Variants in KANSL2 observed in about 807,000 individuals in gnomAD.
The protein encoded by KANSL2 is KAT8 regulatory NSL complex subunit 2.
KANSL2 carries 34 observed loss-of-function variants against 55.6 expected under a neutral mutation model. The ratio of observed to expected loss-of-function variants is 0.61; its 90% CI spans 0.46 to 0.81. KANSL2 has a LOEUF of 0.81. KANSL2 is among the 40% of genes least tolerant of loss of function. The pLI, the probability that KANSL2 is intolerant of heterozygous loss-of-function variation, is 0.00. For missense variants in KANSL2, 502 were observed against 609.9 expected (o/e 0.82, Z 1.86); for synonymous variants, 209 against 214.3 (o/e 0.98, Z 0.22).
rs150609181 is a variant in KANSL2, at chr12:48,673,849, A to G, written c.546-1887T>C. On this transcript the variant is annotated intron_variant, in intron 4 of 9. Coordinates refer to ENST00000420613, the MANE Select transcript of KANSL2 (RefSeq NM_017822.4). ...ACCTGTAGTCCCAGATACTCAGGAG[A>G]CTGAGGTGAAAGGATCACTTCAGCC... Among the ~76,000 whole-genome samples, 296 of 150,928 alleles carry G rather than the reference A, an allele frequency of 2.0e-3. 1 individual carries two copies. Among genetic ancestry groups the G allele is most frequent in the African/African-American group, 6.7e-3 (274 of 41,096 alleles).
intron 4 of KANSL2, among the ~76,000 whole-genome samples, chr12:48,676,271 A>G (rs1236804410): frequency 2.0e-5 from 3 of 152,096 alleles, no homozygotes; most frequent in African/African-American, 7.2e-5. Flanking sequence ...ACGTCTGGCT[A>G]ATTTTTAAAT....
At chr12:48,679,582 C>T in intron 3 of KANSL2, 73 bp downstream of exon 3, 2 of 1,193,928 alleles carry the variant, frequency 1.7e-6, no homozygotes, top group South Asian at 2.8e-5. Context: ...TAGATCAAGG[C>T]ATTGTGCTAA....
Position 48,667,643 on chromosome 12 carries a change from A to C in KANSL2, c.973+50T>G, listed in dbSNP as rs777282530. 5.1e-6 allele frequency: 7 copies of C among 1,369,420 alleles called. No homozygotes were observed. The South Asian group carries it at 8.1e-5, about 16-fold the overall frequency. The allele number at this position is 1,369,420 out of a possible 1,614,324, so 84.8% of individuals were successfully genotyped here. On this transcript the variant is annotated intron_variant, in intron 7 of 9. Coordinates refer to ENST00000420613, the MANE Select transcript of KANSL2 (RefSeq NM_017822.4). ...GCAAACTAGCACAGAGATTCCCACT[A>C]GTCTTCAAACTAGCAAACCACAGCC...
chr12:48,678,114 C>T (rs886242020), intron 4 of KANSL2, among the ~76,000 whole-genome samples: 1 of 152,152 alleles, frequency 6.6e-6, no homozygotes, highest in Non-Finnish European at 1.5e-5. Context: ...GAAGAAAATG[C>T]TATTGCAAGA....
chr12:48,656,710 A>G, intron 8 of KANSL2: 1 of 519,038 alleles, frequency 1.9e-6, no homozygotes, highest in Admixed American at 1.9e-5. Context: ...ACAGACCACA[A>G]GGAAGACATC....
intron 8 of KANSL2, among the ~76,000 whole-genome samples, chr12:48,655,977 AAT>A: frequency 6.6e-6 from 1 of 152,364 alleles, no homozygotes; most frequent in Admixed American, 6.5e-5. Context: ...CAATTAAAAA[AAT>A]ATTTTTTAAA....
In KANSL2 at chr12:48,679,105, T is replaced by C; in HGVS notation, c.476A>G (p.Asp159Gly). ...SDGEQEPITV[D>G]QTWRGDPDSE... is the part of the protein sequence containing the mutation. ...GTCAGGGTCACCTCTCCATGTCTGA[T>C]CCACAGTAATGGGTTCCTGCTCCCC... The change falls in exon 4 of 10, where the codon GAT becomes GGT. Residue 159 changes from aspartate to glycine, a missense_variant. Coordinates refer to ENST00000420613, the MANE Select transcript of KANSL2 (RefSeq NM_017822.4). 6.2e-7 allele frequency: 1 copy of C among 1,613,864 alleles called. No individual in the cohort carries two copies. Among genetic ancestry groups the C allele is most frequent in the Non-Finnish European group, 8.5e-7 (1 of 1,179,834 alleles).
intron 6 of KANSL2, among the ~76,000 whole-genome samples, chr12:48,668,651 A>G (rs922176266): frequency 1.3e-5 from 2 of 152,010 alleles, no homozygotes; most frequent in African/African-American, 4.8e-5. Flanking sequence ...GTGAGCCAAG[A>G]CGGCGCCATT....
intron 4 of KANSL2, among the ~76,000 whole-genome samples, chr12:48,672,406 TAC>T (rs1939735749): frequency 1.6e-5 from 2 of 124,146 alleles, no homozygotes; most frequent in African/African-American, 3.0e-5. Flanking sequence ...TATATATATA[TAC>T]GTATATATAT....
chr12:48,677,165 T>C (rs1343506031), intron 4 of KANSL2, among the ~76,000 whole-genome samples: 1 of 152,224 alleles, frequency 6.6e-6, no homozygotes, highest in Non-Finnish European at 1.5e-5. Flanking sequence ...CTTAGTTGCC[T>C]AATAGCTGAC....
At chr12:48,659,566 G>A (rs372856447) in intron 8 of KANSL2, among the ~76,000 whole-genome samples, 25 of 151,752 alleles carry the variant, frequency 1.6e-4, no homozygotes, top group Admixed American at 5.9e-4. Context: ...GAGGCTGCAC[G>A]GAGCCATGAT....
In KANSL2 at chr12:48,661,294, T is replaced by G. The variant is rs1021925942; in HGVS notation, c.974-675A>C. ...ATGAAGGCCCATTGAAAAAAAAAAG[T>G]ATTCTAGAAACATTCCAAGGACTCT... On this transcript the variant is annotated intron_variant, in intron 7 of 9. Coordinates refer to ENST00000420613, the MANE Select transcript of KANSL2 (RefSeq NM_017822.4). 4.7e-6 allele frequency: 3 copies of G among 641,514 alleles called. No individual in the cohort carries two copies. In the African/African-American group the frequency reaches 6.1e-5, roughly 13 times the overall value. The allele number at this position is 641,514 out of a possible 1,614,324, so 39.7% of individuals were successfully genotyped here.
intron 4 of KANSL2, among the ~76,000 whole-genome samples, chr12:48,678,607 T>C (rs1175148466): frequency 6.6e-6 from 1 of 152,174 alleles, no homozygotes; most frequent in Non-Finnish European, 1.5e-5. Context: ...AAACAATATA[T>C]AACTTTAAAA....
chr12:48,667,372 G>A, intron 7 of KANSL2: 1 of 334,838 alleles, frequency 3.0e-6, no homozygotes, highest in Non-Finnish European at 5.9e-6. Context: ...GAAACCTTGA[G>A]ACAATTACAA....
At chr12:48,664,882 T>TC (rs1939564174) in intron 7 of KANSL2, among the ~76,000 whole-genome samples, 1 of 139,228 alleles carries the variant, frequency 7.2e-6, no homozygotes, top group Non-Finnish European at 1.6e-5. Flanking sequence ...GCGCCCGCTT[T>TC]TTTTTTTTTT....
At chr12:48,662,063 G>A (rs1261594845) in intron 7 of KANSL2, among the ~76,000 whole-genome samples, 1 of 152,190 alleles carries the variant, frequency 6.6e-6, no homozygotes, top group African/African-American at 2.4e-5. Flanking sequence ...ATGTGCTTAA[G>A]AAGCCCACTC....
chr12:48,660,462 C>T lies in KANSL2; in HGVS notation c.1131G>A (p.Leu377=). 2 of 1,613,938 alleles carry T rather than the reference C, an allele frequency of 1.2e-6. No homozygotes were observed. The highest frequency in any genetic ancestry group is 1.1e-5 in the South Asian group (1 of 91,068). ...PPQMYKPEQV[L]SVPDDLEAGP... ...CGGCTTCCAGATCGTCTGGCACAGA[C>T]AGTACCTGCTCGGGCTTATACATCT... The change falls in exon 8 of 10, where the codon CTG becomes CTA. Residue 377 remains leucine (L), a synonymous_variant. Coordinates refer to ENST00000420613, the MANE Select transcript of KANSL2 (RefSeq NM_017822.4).
chr12:48,679,939 T>C lies in KANSL2; in HGVS notation c.252-106A>G, dbSNP rs564687529. On this transcript the variant is annotated intron_variant, in intron 2 of 9. Coordinates refer to ENST00000420613, the MANE Select transcript of KANSL2 (RefSeq NM_017822.4). ...CATTTTTAGGGAATTAAAATGACTA[T>C]TACATTCATTTCTAAAAATGCAAGT... is the stretch of plus-strand genomic sequence containing the variant. 33 of 948,546 alleles carry C rather than the reference T, an allele frequency of 3.5e-5. No homozygotes were observed. The African/African-American group carries it at 5.3e-4, about 15-fold the overall frequency. The allele number at this position is 948,546 out of a possible 1,614,324, so 58.8% of individuals were successfully genotyped here. A position where few individuals can be genotyped will look rare whatever the true frequency, so the allele number is the denominator to read the frequency against.
chr12:48,662,216 T>A lies in KANSL2; in HGVS notation c.974-1597A>T, dbSNP rs550303471. On this transcript the variant is annotated intron_variant, in intron 7 of 9. Transcript: ENST00000420613. ...GCCTCCTGGGTTCAAGAGATTCTCC[T>A]GCCGCAGACTCCAAAGTAGCTGGGA... Among the ~76,000 whole-genome samples the A allele has an allele frequency of 1.5e-3, 221 of 152,336 alleles. 1 individual carries two copies. The highest frequency in any genetic ancestry group is 5.1e-3 in the African/African-American group (212 of 41,578).
Sources: allele counts gnomAD v4.1 joint callset (sites outside exome capture counted in the v4.1 genomes callset), GRCh38; gene constraint gnomAD v4.1.1; transcripts MANE v1.5; gene names NCBI Gene and HGNC (gene_info 2026-07-23, HGNC 2026-07-21).